AUTS2: variants seen among roughly 807,000 people sequenced by gnomAD.
The protein encoded by AUTS2 is autism susceptibility gene 2 protein.
In AUTS2, 17 loss-of-function variants were observed where a neutral mutation model predicts 112.4. That is an observed-to-expected ratio of 0.15 (90% CI 0.10 to 0.23). The LOEUF (loss-of-function observed/expected upper bound fraction) is 0.23. AUTS2 is among the 10% of genes least tolerant of loss of function. The probability of loss-of-function intolerance (pLI) is 1.00; values close to 1 mark genes in which losing one functional copy is unlikely to be tolerated. For synonymous variants in AUTS2, 751 were observed against 702.7 expected (o/e 1.07, Z -1.09); for missense variants, 1,510 against 1,701.6 (o/e 0.89, Z 1.98).
intron 1 of AUTS2, among the ~76,000 whole-genome samples, chr7:69,688,509 A>G (rs972998015): frequency 6.6e-6 from 1 of 152,166 alleles, no homozygotes; most frequent in African/African-American, 2.4e-5. Flanking sequence ...TTTTTAACTG[A>G]CATATAATCG....
intron 3 of AUTS2, among the ~76,000 whole-genome samples, chr7:70,126,003 TG>T (rs1805951870): frequency 1.3e-5 from 2 of 152,354 alleles, no homozygotes; most frequent in South Asian, 4.1e-4. Context: ...TACTCTCAAG[TG>T]AGGCTAATCA....
Position 69,599,956 on chromosome 7 carries a change from G to A in AUTS2, c.303G>A (p.Ala101=). The A allele has an allele frequency of 6.2e-7, 1 of 1,613,162 alleles. No homozygotes were observed. Among genetic ancestry groups the A allele is most frequent in the Non-Finnish European group, 8.5e-7 (1 of 1,179,758 alleles). The change falls in exon 1 of 19, where the codon GCG becomes GCA. Residue 101 remains alanine, a synonymous_variant. Coordinates refer to ENST00000342771, the MANE Select transcript of AUTS2 (RefSeq NM_015570.4). The surrounding 1 kb of genome is among the most constrained non-coding windows in gnomAD (Gnocchi z 7.0). ...FAMTSFVTFE[A]LEKDVALKPQ... is the part of the protein sequence containing the mutation. Reference sequence around the variant, plus strand: ...TGACCAGCTTTGTCACTTTTGAAGCGCTGGAGGTAAGGGGGACCCCCCTTC... The same window carrying A: ...TGACCAGCTTTGTCACTTTTGAAGCACTGGAGGTAAGGGGGACCCCCCTTC...
chr7:70,295,798 G>T (rs959410252), intron 4 of AUTS2, among the ~76,000 whole-genome samples: 2 of 152,112 alleles, frequency 1.3e-5, no homozygotes, highest in Non-Finnish European at 2.9e-5. Context: ...ATCAAAAACT[G>T]GGCTTCCCTA....
intron 4 of AUTS2, among the ~76,000 whole-genome samples, chr7:70,246,169 A>G (rs1362331313): frequency 6.6e-6 from 1 of 152,096 alleles, no homozygotes; most frequent in Non-Finnish European, 1.5e-5. Flanking sequence ...CATTCTGTTT[A>G]TGGTGTCTTG....
At chr7:69,913,998 G>A (rs1186116974) in intron 2 of AUTS2, among the ~76,000 whole-genome samples, 1 of 152,014 alleles carries the variant, frequency 6.6e-6, no homozygotes, top group African/African-American at 2.4e-5. Flanking sequence ...TTTCATAGGG[G>A]CTTTTCTCGA....
At chr7:70,232,016 G>A (rs556180745) in intron 4 of AUTS2, among the ~76,000 whole-genome samples, 2 of 152,010 alleles carry the variant, frequency 1.3e-5, no homozygotes, top group South Asian at 2.1e-4. Context: ...CTCATGATCC[G>A]CCCACCTCAG....
At position 70,791,160 on chromosome 7, in the gene AUTS2, GTATAT is replaced by G. The variant is rs1374313581; in HGVS notation, c.*170_*174del. ...CTCAGTGCACATTTTGAAATGTTTT[GTATAT>G]TATATGTTGAGATTTTTCAGATCTT... On this transcript the variant is annotated 3_prime_UTR_variant, in exon 19 of 19. Transcript: ENST00000342771. 1.2e-5 allele frequency: 8 copies of G among 650,504 alleles called. No homozygotes were observed. The highest frequency in any genetic ancestry group is 3.4e-5 in the East Asian group (1 of 29,752). 40.3% of individuals were successfully genotyped at this position (650,504 alleles called of 1,614,324 possible).
intron 2 of AUTS2, among the ~76,000 whole-genome samples, chr7:70,035,748 T>G (rs1323516539): frequency 6.6e-6 from 1 of 152,154 alleles, no homozygotes; most frequent in African/African-American, 2.4e-5. Context: ...GAGTCTTCAT[T>G]GCATAATTTC....
At chr7:69,885,361 A>G (rs1018387800) in intron 1 of AUTS2, among the ~76,000 whole-genome samples, 1 of 152,110 alleles carries the variant, frequency 6.6e-6, no homozygotes, top group Non-Finnish European at 1.5e-5. Flanking sequence ...AAGGTTGTCA[A>G]TTTTACAGAA....
At chr7:70,773,391 T>TTAA (rs1317198534) in intron 11 of AUTS2, among the ~76,000 whole-genome samples, 1 of 152,202 alleles carries the variant, frequency 6.6e-6, no homozygotes, top group Non-Finnish European at 1.5e-5. Context: ...ACAGATAAGG[T>TTAA]TAATATTAGC....
At chr7:70,266,627 G>C (rs989843725) in intron 4 of AUTS2, among the ~76,000 whole-genome samples, 1 of 152,130 alleles carries the variant, frequency 6.6e-6, no homozygotes, top group African/African-American at 2.4e-5. Context: ...CTAGATTAGA[G>C]TGATGGTTGC....
rs566242967 is a variant in AUTS2, at chr7:69,663,194, T to C, written c.309+63232T>C. 6.6e-5 allele frequency: 10 copies of C among 152,320 alleles called. 1 individual carries two copies. In the South Asian group the frequency reaches 2.1e-3, roughly 32 times the overall value. 9.4% of individuals were successfully genotyped at this position (152,320 alleles called of 1,614,324 possible). A position where few individuals can be genotyped will look rare whatever the true frequency, so the allele number is the denominator to read the frequency against. ...GTACTCTTATTGTCAAATAGCTTTA[T>C]GCTCTGTTACATTAATGAGGGAAAC... On this transcript the variant is annotated intron_variant, in intron 1 of 18. Coordinates refer to ENST00000342771, the MANE Select transcript of AUTS2 (RefSeq NM_015570.4).
At chr7:69,821,014 C>T (rs928975023) in intron 1 of AUTS2, among the ~76,000 whole-genome samples, 1 of 152,098 alleles carries the variant, frequency 6.6e-6, no homozygotes, top group African/African-American at 2.4e-5. Context: ...GTGAGATTCT[C>T]AAGAGGAAGA....
chr7:69,982,470 GA>G (rs66884131), intron 2 of AUTS2, among the ~76,000 whole-genome samples: 31 of 151,372 alleles, frequency 2.0e-4, no homozygotes, highest in South Asian at 6.2e-4. Flanking sequence ...CCTGAGGGGG[GA>G]AAAAAAACGT....
intron 2 of AUTS2, among the ~76,000 whole-genome samples, chr7:69,990,899 T>C (rs536053463): frequency 6.6e-5 from 10 of 152,202 alleles, no homozygotes; most frequent in Non-Finnish European, 1.2e-4. Flanking sequence ...TGGAGCATTT[T>C]GGATTTTCGA....
intron 5 of AUTS2, among the ~76,000 whole-genome samples, chr7:70,528,280 A>T (rs901711420): frequency 7.3e-5 from 11 of 150,718 alleles, no homozygotes; most frequent in African/African-American, 2.4e-4. Context: ...AGAGAGAAAT[A>T]AAAAAAAATA....
At chr7:69,817,149 C>T (rs565276794) in intron 1 of AUTS2, among the ~76,000 whole-genome samples, 2 of 152,344 alleles carry the variant, frequency 1.3e-5, no homozygotes, top group South Asian at 4.1e-4. Context: ...CCAGTGACAG[C>T]ACTGCTGTTG....
At chr7:69,636,391 C>T (rs1005746689) in intron 1 of AUTS2, among the ~76,000 whole-genome samples, 1 of 150,390 alleles carries the variant, frequency 6.6e-6, no homozygotes, top group Non-Finnish European at 1.5e-5. Flanking sequence ...TGTGCCACCA[C>T]ACGTGGCTAA....
At chr7:70,018,210 T>C (rs1800117102) in intron 2 of AUTS2, among the ~76,000 whole-genome samples, 1 of 148,216 alleles carries the variant, frequency 6.7e-6, no homozygotes, top group African/African-American at 2.5e-5. Context: ...TGTAGGACTC[T>C]TTTTTTTTTA....
Sources: gnomAD v4.1 joint callset for allele counts (sites outside exome capture counted in the v4.1 genomes callset) on GRCh38, gnomAD v4.1.1 for gene constraint, Gnocchi (gnomAD v3.1) non-coding constraint, MANE v1.5 for transcripts, NCBI Gene and HGNC (gene_info 2026-07-23, HGNC 2026-07-21) for gene names.